Variants in NIM1K observed in about 807,000 individuals in gnomAD.
NIM1K encodes serine/threonine-protein kinase NIM1.
In NIM1K, 35 loss-of-function variants were observed where a neutral mutation model predicts 37.1. That is an observed-to-expected ratio of 0.94 (90% CI 0.72 to 1.25). The LOEUF (loss-of-function observed/expected upper bound fraction) is 1.25. NIM1K is among the 50% of genes most tolerant of loss of function. The probability of loss-of-function intolerance (pLI) is 0.00; values close to 1 mark genes in which losing one functional copy is unlikely to be tolerated. For synonymous variants in NIM1K, 234 were observed against 206.6 expected (o/e 1.13, Z -1.14); for missense variants, 564 against 548.0 (o/e 1.03, Z -0.29).
chr5:43,260,211 C>T (rs1753006951), intron 2 of NIM1K, among the ~76,000 whole-genome samples: 1 of 152,132 alleles, frequency 6.6e-6, no homozygotes, highest in African/African-American at 2.4e-5. Flanking sequence ...CTTTAGATGT[C>T]CTTTATTTCT....
chr5:43,198,219 TTCTTTC>T (rs1554012719), intron 1 of NIM1K, among the ~76,000 whole-genome samples: 1 of 95,736 alleles, frequency 1.0e-5, no homozygotes, highest in African/African-American at 3.9e-5. Flanking sequence ...CTTTCTTTCT[TTCTTTC>T]TTTCTTTCTT....
chr5:43,275,963 C>A (rs944295016), intron 2 of NIM1K, among the ~76,000 whole-genome samples: 1 of 145,964 alleles, frequency 6.9e-6, no homozygotes, highest in Non-Finnish European at 1.5e-5. Context: ...AGCAGTGGTG[C>A]GATCTCGGCT....
chr5:43,242,474 G>A (rs1028196772), intron 1 of NIM1K, among the ~76,000 whole-genome samples: 1 of 151,816 alleles, frequency 6.6e-6, no homozygotes, highest in Non-Finnish European at 1.5e-5. Context: ...CTTGCATTTC[G>A]AAGCAGTTCT....
chr5:43,244,475 G>A (rs1752748825), intron 1 of NIM1K, among the ~76,000 whole-genome samples: 1 of 152,152 alleles, frequency 6.6e-6, no homozygotes, highest in Admixed American at 6.5e-5. Context: ...CATCGTAGGT[G>A]GGCAGCATTT....
intron 1 of NIM1K, among the ~76,000 whole-genome samples, chr5:43,198,265 TTCTTTC>T (rs1751964288): frequency 6.7e-6 from 1 of 148,768 alleles, no homozygotes; most frequent in African/African-American, 2.5e-5. Context: ...TTTCCTTTCT[TTCTTTC>T]TCTCTTTCTC....
chr5:43,244,835 T>C (rs1273261097), intron 1 of NIM1K, among the ~76,000 whole-genome samples: 1 of 152,190 alleles, frequency 6.6e-6, no homozygotes, highest in East Asian at 1.9e-4. Context: ...CTTTAAGAAA[T>C]AGAAAAATTG....
chr5:43,236,899 T>C (rs1345061924), intron 1 of NIM1K, among the ~76,000 whole-genome samples: 1 of 152,250 alleles, frequency 6.6e-6, no homozygotes, highest in Non-Finnish European at 1.5e-5. Context: ...CTTTTCTATT[T>C]GCTTTGGAAT....
At chr5:43,198,207 C>CTTTCTCTTTCTTTCTTTCTTTCCTTCTT in intron 1 of NIM1K, among the ~76,000 whole-genome samples, 1 of 48,904 alleles carries the variant, frequency 2.0e-5, no homozygotes, top group East Asian at 6.9e-4. Context: ...TTCTTTCTTT[C>CTTTCTCTTTCTTTCTTTCTTTCCTTCTT]TCTTTCTTTC....
intron 2 of NIM1K, among the ~76,000 whole-genome samples, chr5:43,269,632 T>C (rs1753225400): frequency 6.6e-6 from 1 of 152,036 alleles, no homozygotes; most frequent in Non-Finnish European, 1.5e-5. Flanking sequence ...TATTTTAATT[T>C]TTTTGAGACA....
In NIM1K at chr5:43,253,212, A is replaced by ATAATATAATATATGTGTGTGTG. The variant is rs1300038063; in HGVS notation, c.292+7146_292+7147insAATATAATATATGTGTGTGTGT. 3.9e-4 allele frequency among the ~76,000 whole-genome samples: 52 copies of ATAATATAATATATGTGTGTGTG among 131,736 alleles called. 1 individual carries two copies. The highest frequency in any genetic ancestry group is 2.9e-3 in the East Asian group (13 of 4,422). 86.4% of individuals were successfully genotyped at this position (131,736 alleles called of 152,430 possible). On this transcript the variant is annotated intron_variant, in intron 2 of 3. Coordinates refer to ENST00000326035, the MANE Select transcript of NIM1K (RefSeq NM_153361.4). Reference sequence around the variant, plus strand: ...TATAATATAATATATAATATAATATATGTGTGTGTGTGTGTGTGTGTGTGT... The same window carrying ATAATATAATATATGTGTGTGTG: ...TATAATATAATATATAATATAATATATAATATAATATATGTGTGTGTGTGTGTGTGTGTGTGTGTGTGTGTGT...
chr5:43,278,016 TTTCCTTCCTTCC>T (rs59194066), intron 3 of NIM1K, among the ~76,000 whole-genome samples: 1 of 147,950 alleles, frequency 6.8e-6, no homozygotes, highest in African/African-American at 2.6e-5. Flanking sequence ...CTTCCTTTCT[TTTCCTTCCTTCC>T]TTCCTTCCTT....
intron 1 of NIM1K, among the ~76,000 whole-genome samples, chr5:43,209,014 A>C (rs1229802597): frequency 1.3e-5 from 2 of 152,232 alleles, no homozygotes; most frequent in South Asian, 4.1e-4. Flanking sequence ...AGTGCAAAGA[A>C]GGTCTTGAAA....
chr5:43,224,919 C>A (rs1752431613), intron 1 of NIM1K, among the ~76,000 whole-genome samples: 1 of 152,040 alleles, frequency 6.6e-6, no homozygotes, highest in African/African-American at 2.4e-5. Flanking sequence ...TGATCTTGAA[C>A]CCCTGACCTT....
At chr5:43,217,730 T>C (rs1400928687) in intron 1 of NIM1K, among the ~76,000 whole-genome samples, 7 of 114,192 alleles carry the variant, frequency 6.1e-5, no homozygotes, top group Non-Finnish European at 7.8e-5. Context: ...TTTTTTTTTT[T>C]TTGAGATGGA....
Position 43,245,321 on chromosome 5 carries a change from G to C in NIM1K, c.-455G>C, listed in dbSNP as rs1187659456. On this transcript the variant is annotated 5_prime_UTR_variant, in exon 2 of 4. Coordinates refer to ENST00000326035, the MANE Select transcript of NIM1K (RefSeq NM_153361.4). ...AGAGATGAGATCCCGCAGCAGGGAC[G>C]TGGGGGCCTCCCAGGGGCATTTACG... The C allele has an allele frequency of 1.3e-5, 2 of 153,496 alleles. No homozygotes were observed. The highest frequency in any genetic ancestry group is 4.8e-5 in the African/African-American group (2 of 41,530). 9.5% of individuals were successfully genotyped at this position (153,496 alleles called of 1,614,324 possible). A position where few individuals can be genotyped will look rare whatever the true frequency, so the allele number is the denominator to read the frequency against.
chr5:43,273,604 TA>T (rs1335241845), intron 2 of NIM1K, among the ~76,000 whole-genome samples: 1 of 152,238 alleles, frequency 6.6e-6, no homozygotes, highest in Non-Finnish European at 1.5e-5. Flanking sequence ...CCTGCATTTC[TA>T]AAGCAGTCTC....
At chr5:43,239,670 GC>G (rs1466700749) in intron 1 of NIM1K, among the ~76,000 whole-genome samples, 1 of 151,662 alleles carries the variant, frequency 6.6e-6, no homozygotes, top group Non-Finnish European at 1.5e-5. Context: ...GGGATTACAG[GC>G]ATGCACCACA....
At chr5:43,252,083 A>G (rs1002577383) in intron 2 of NIM1K, among the ~76,000 whole-genome samples, 1 of 152,180 alleles carries the variant, frequency 6.6e-6, no homozygotes, top group African/African-American at 2.4e-5. Flanking sequence ...GGAGCAAGAC[A>G]GTGCCCAATT....
At chr5:43,239,736 A>G (rs2112254846) in intron 1 of NIM1K, among the ~76,000 whole-genome samples, 1 of 152,208 alleles carries the variant, frequency 6.6e-6, no homozygotes, top group Non-Finnish European at 1.5e-5. Context: ...CATGTTGGCC[A>G]GGCTGGTCTC....
Sources: gnomAD v4.1 joint callset for allele counts (sites outside exome capture counted in the v4.1 genomes callset) on GRCh38, gnomAD v4.1.1 for gene constraint, MANE v1.5 for transcripts, NCBI Gene and HGNC (gene_info 2026-07-23, HGNC 2026-07-21) for gene names.